ARMC2: variants seen among roughly 807,000 people sequenced by gnomAD.
ARMC2 encodes the protein armadillo repeat-containing protein 2.
In ARMC2, 67 loss-of-function variants were observed where a neutral mutation model predicts 90.3. The ratio of observed to expected loss-of-function variants is 0.74; its 90% CI spans 0.61 to 0.91. The LOEUF is 0.91. ARMC2 is among the 40% of genes least tolerant of loss of function. The probability of loss-of-function intolerance (pLI) is 0.00; values close to 1 mark genes in which losing one functional copy is unlikely to be tolerated. For synonymous variants in ARMC2, 393 were observed against 393.0 expected, an observed-to-expected ratio of 1.00 and a Z score of 0.00; for missense variants, 920 against 1,030.9, an observed-to-expected ratio of 0.89 and a Z score of 1.47.
the ARMC2 span, among the ~76,000 whole-genome samples, chr6:109,046,615 C>CA: frequency 7.7e-6 from 1 of 130,250 alleles, no homozygotes; most frequent in African/African-American, 2.7e-5. Flanking sequence ...TGCGCCCGGC[C>CA]GCCATCCCAT....
At chr6:108,993,550 G>GA in the ARMC2 span, among the ~76,000 whole-genome samples, 1 of 152,112 alleles carries the variant, frequency 6.6e-6, no homozygotes, top group East Asian at 1.9e-4. Flanking sequence ...TTGCTATTAA[G>GA]AAACTCGGTG....
rs187312247 is a variant in ARMC2 at position 108,890,654 on chromosome 6, C to T, written c.672-3813C>T. ...AAAAGTTAGACCCAGGACCCAAACT[C>T]AGGCAGCTTGGCTTCAGAACCTACA... On this transcript the variant is annotated intron_variant, in intron 5 of 17. Coordinates refer to ENST00000392644, the MANE Select transcript of ARMC2 (RefSeq NM_032131.6). 2.0e-5 allele frequency among the ~76,000 whole-genome samples: 3 copies of T among 152,312 alleles called. No homozygotes were observed. In the East Asian group the frequency reaches 5.8e-4, roughly 29 times the overall value.
intron 5 of ARMC2, among the ~76,000 whole-genome samples, chr6:108,891,715 T>C (rs1771052922): frequency 6.6e-6 from 1 of 152,248 alleles, no homozygotes; most frequent in Non-Finnish European, 1.5e-5. Flanking sequence ...ACTCTGATGA[T>C]AGTTTCTTTT....
chr6:108,992,882 G>A, the ARMC2 span: 3 of 1,610,712 alleles, frequency 1.9e-6, no homozygotes, highest in Admixed American at 3.3e-5. Flanking sequence ...GCTCTTGCTG[G>A]TGTAACTTCT....
intron 2 of ARMC2, among the ~76,000 whole-genome samples, 153 bp from the exon 3 acceptor site, chr6:108,858,046 T>G (rs889439052): frequency 6.6e-6 from 1 of 152,236 alleles, no homozygotes; most frequent in Non-Finnish European, 1.5e-5. Context: ...GTTAATCAAC[T>G]GTTTTAAGTA....
chr6:108,998,878 C>A, the ARMC2 span: 5 of 1,184,340 alleles, frequency 4.2e-6, no homozygotes, highest in African/African-American at 7.8e-5. Context: ...ATAAAATTAT[C>A]ATTTGAAACA....
At chr6:109,031,076 C>T in the ARMC2 span, among the ~76,000 whole-genome samples, 1 of 152,030 alleles carries the variant, frequency 6.6e-6, no homozygotes, top group Non-Finnish European at 1.5e-5. Flanking sequence ...CTGCAAATAT[C>T]CAGAAGTAGG....
At chr6:108,907,065 C>T (rs552229836) in intron 8 of ARMC2, among the ~76,000 whole-genome samples, 2 of 152,282 alleles carry the variant, frequency 1.3e-5, no homozygotes, top group East Asian at 3.9e-4. Flanking sequence ...TACAAATTTG[C>T]ACTGACTGTA....
intron 5 of ARMC2, among the ~76,000 whole-genome samples, chr6:108,891,077 G>A (rs920905148): frequency 2.6e-5 from 4 of 152,110 alleles, no homozygotes; most frequent in African/African-American, 7.2e-5. Flanking sequence ...CAAAGTACAC[G>A]AACTCATCCT....
chr6:108,873,615 G>T (rs1424312281), intron 4 of ARMC2, among the ~76,000 whole-genome samples: 2 of 152,248 alleles, frequency 1.3e-5, no homozygotes, highest in African/African-American at 4.8e-5. Context: ...GATAGCCACA[G>T]CAGAGCCTTA....
At chr6:108,977,263 G>T (rs950712748), downstream of ARMC2, among the ~76,000 whole-genome samples, 3 of 152,186 alleles carry the variant, frequency 2.0e-5, no homozygotes, top group African/African-American at 7.2e-5. Flanking sequence ...ATAATCATGT[G>T]TTTTTTGTCA....
At chr6:108,987,806 C>CTTTTTTTTTT in the ARMC2 span, among the ~76,000 whole-genome samples, 15 of 135,584 alleles carry the variant, frequency 1.1e-4, no homozygotes, top group South Asian at 2.3e-4. Context: ...CAGCAGCTAT[C>CTTTTTTTTTT]TTTTTTTTTT....
In ARMC2 at chr6:108,885,413, A is replaced by G. The variant is rs78422935; in HGVS notation, c.672-9054A>G. On this transcript the variant is annotated intron_variant, in intron 5 of 17. Coordinates refer to ENST00000392644, the MANE Select transcript of ARMC2 (RefSeq NM_032131.6). ...TGCTTTAAGTTTAGTAATTAAGAAA[A>G]AGTGATAATCTGGCTGGACACGGTA... Among the ~76,000 whole-genome samples the G allele has an allele frequency of 4.2e-3, 637 of 152,262 alleles. 3 individuals carry two copies. Among genetic ancestry groups the G allele is most frequent in the African/African-American group, 0.014 (597 of 41,538 alleles).
chr6:108,908,929 T>C (rs1351347913), intron 8 of ARMC2, among the ~76,000 whole-genome samples: 3 of 151,736 alleles, frequency 2.0e-5, no homozygotes, highest in Non-Finnish European at 4.4e-5. Context: ...AATTAGCCAG[T>C]CATGGTGGCA....
At position 108,928,114 on chromosome 6, in the gene ARMC2, T is replaced by G; in HGVS notation, c.1377T>G (p.Val459=). The G allele has an allele frequency of 5.6e-6, 9 of 1,607,996 alleles. No individual in the cohort carries two copies. Among genetic ancestry groups the G allele is most frequent in the Non-Finnish European group, 6.8e-6 (8 of 1,178,310 alleles). ...VQVTATLRNL[V]DSSLVRSKFL... ...TGACTGCTACATTGAGAAACTTGGTTGATTCATCATTAGTAAGAAGTAAGT... is the reference window on the plus strand; with the variant it reads ...TGACTGCTACATTGAGAAACTTGGTGGATTCATCATTAGTAAGAAGTAAGT... The change falls in exon 11 of 18, where the codon GTT becomes GTG. Residue 459 remains valine, a synonymous_variant. Coordinates refer to ENST00000392644, the MANE Select transcript of ARMC2 (RefSeq NM_032131.6).
At chr6:108,952,638 G>T (rs1395432159) in intron 12 of ARMC2, among the ~76,000 whole-genome samples, 1 of 151,054 alleles carries the variant, frequency 6.6e-6, no homozygotes, top group African/African-American at 2.4e-5. Flanking sequence ...AGCAGGAGAC[G>T]AAATTTTAAG....
In ARMC2 at chr6:108,868,857, G is replaced by A. The variant is rs143251061; in HGVS notation, c.325G>A (p.Glu109Lys). The A allele has an allele frequency of 6.2e-6, 10 of 1,613,770 alleles. No homozygotes were observed. Among genetic ancestry groups the A allele is most frequent in the Non-Finnish European group, 8.5e-6 (10 of 1,179,796 alleles). Residue 109 changes from glutamate to lysine, a missense_variant, in exon 4 of 18, where the codon GAG becomes AAG. Physicochemically the swap from Glu to Lys is moderately conservative, Grantham distance 56 (BLOSUM62 1). Coordinates refer to ENST00000392644, the MANE Select transcript of ARMC2 (RefSeq NM_032131.6). Reference protein sequence around the residue: ...PKVPASPTREEDSCFSFPKPP... With the variant: ...PKVPASPTREKDSCFSFPKPP... ...AGTTCCAGCATCTCCCACCAGAGAG[G>A]AGGATTCCTGCTTTTCCTTTCCTAA...
At chr6:108,867,485 G>A (rs562348785) in intron 3 of ARMC2, among the ~76,000 whole-genome samples, 3 of 152,194 alleles carry the variant, frequency 2.0e-5, no homozygotes, top group South Asian at 2.1e-4. Context: ...AAACATTTTC[G>A]GCTGGGCACA....
chr6:108,899,046 A>G (rs1213428406), intron 6 of ARMC2, among the ~76,000 whole-genome samples: 2 of 152,188 alleles, frequency 1.3e-5, no homozygotes, highest in East Asian at 3.8e-4. Flanking sequence ...CATGTCTTTT[A>G]ATTCTTATAC....
Sources: allele counts gnomAD v4.1 joint callset (sites outside exome capture counted in the v4.1 genomes callset), GRCh38; gene constraint gnomAD v4.1.1; transcripts MANE v1.5; gene names NCBI Gene and HGNC (gene_info 2026-07-23, HGNC 2026-07-21).